Variants in LRIG2 observed in about 807,000 individuals in gnomAD.
The protein encoded by LRIG2 is leucine-rich repeats and immunoglobulin-like domains protein 2.
Under a neutral mutation model 107.8 loss-of-function variants are expected in LRIG2, and 93 were observed. That is an observed-to-expected ratio of 0.86 (90% CI 0.73 to 1.03). LRIG2 has a LOEUF of 1.03. Among genes scored for constraint, LRIG2 ranks in the 50% least tolerant of loss-of-function variants. LRIG2 has a pLI of 0.00. For synonymous variants in LRIG2, 471 were observed against 470.6 expected (o/e 1.00, Z -0.01); for missense variants, 1,226 against 1,296.0 (o/e 0.95, Z 0.83).
rs1319821695 is a variant in LRIG2 at position 113,073,236 on chromosome 1, T to C, written c.-171T>C. 11 of 631,342 alleles carry C rather than the reference T, an allele frequency of 1.7e-5. No individual in the cohort carries two copies. The highest frequency in any genetic ancestry group is 2.5e-5 in the Non-Finnish European group (9 of 356,590). The allele number at this position is 631,342 out of a possible 1,614,324, so 39.1% of individuals were successfully genotyped here. On this transcript the variant is annotated 5_prime_UTR_variant, in exon 1 of 18. Coordinates refer to ENST00000361127, the MANE Select transcript of LRIG2 (RefSeq NM_014813.3). ...CCGTCAGGCCGTGTGTCCCAGGCCG[T>C]CGACCCCGCTGTCGCGCTGCGTCTG...
At chr1:113,075,024 C>T (rs943172708) in intron 1 of LRIG2, among the ~76,000 whole-genome samples, 8 of 151,910 alleles carry the variant, frequency 5.3e-5, no homozygotes, top group African/African-American at 1.9e-4. Flanking sequence ...TCGAGACCAA[C>T]CTGACCAACA....
chr1:113,094,984 A>ATATTTT (rs138090493), intron 6 of LRIG2, among the ~76,000 whole-genome samples: 215 of 139,740 alleles, frequency 1.5e-3, no homozygotes, highest in Admixed American at 5.6e-3. Flanking sequence ...ATATATATAT[A>ATATTTT]TTTTTTTTGA....
chr1:113,091,254 CTT>C, intron 1 of LRIG2, 62 bp from the exon 2 acceptor site: 1 of 1,078,886 alleles, frequency 9.3e-7, no homozygotes. Context: ...TATTTAGTTT[CTT>C]TTTTTTTCTT....
intron 1 of LRIG2, among the ~76,000 whole-genome samples, chr1:113,080,210 G>A (rs534583288): frequency 4.0e-4 from 60 of 151,164 alleles, no homozygotes; most frequent in Non-Finnish European, 6.5e-4. Context: ...TAGTAGAGAC[G>A]GGGTTTCACC....
chr1:113,092,989 CAAAAAAAAAA>C (rs941043519), intron 2 of LRIG2, among the ~76,000 whole-genome samples: 1 of 123,922 alleles, frequency 8.1e-6, no homozygotes, highest in African/African-American at 3.0e-5. Flanking sequence ...AACTCTGTTT[CAAAAAAAAAA>C]GAAAAAAAAA....
intron 17 of LRIG2, among the ~76,000 whole-genome samples, chr1:113,119,812 A>AT (rs1329961509): frequency 6.6e-6 from 1 of 151,902 alleles, no homozygotes; most frequent in African/African-American, 2.4e-5. Flanking sequence ...CATACAGGCT[A>AT]TTTATTTATT....
chr1:113,100,492 A>G lies in LRIG2; in HGVS notation c.1313+4A>G. ...CTCAGACTCATTTAAAAGAACTGTA[A>G]GTAACTTGTCTTTTTAAAATCACCA... On this transcript the variant is annotated splice_donor_region_variant and intron_variant, in intron 11 of 17. Transcript: ENST00000361127. The G allele has an allele frequency of 6.8e-7, 1 of 1,472,722 alleles. No individual in the cohort carries two copies. Among genetic ancestry groups the G allele is most frequent in the Non-Finnish European group, 9.4e-7 (1 of 1,061,170 alleles). The allele number at this position is 1,472,722 out of a possible 1,614,324, so 91.2% of individuals were successfully genotyped here. A position where few individuals can be genotyped will look rare whatever the true frequency, so the allele number is the denominator to read the frequency against.
In LRIG2 at chr1:113,119,532, T is replaced by C; in HGVS notation, c.2971+9T>C. Reference sequence around the variant, plus strand: ...CACACAGATGAGCGGTGGTAAGGGATGTATTTTTGTTGTTATTTTGTTTTT... The same window carrying C: ...CACACAGATGAGCGGTGGTAAGGGACGTATTTTTGTTGTTATTTTGTTTTT... On this transcript the variant is annotated intron_variant, in intron 17 of 17. Coordinates refer to ENST00000361127, the MANE Select transcript of LRIG2 (RefSeq NM_014813.3). 1 of 1,609,364 alleles carries C rather than the reference T, an allele frequency of 6.2e-7. No homozygotes were observed. Among genetic ancestry groups the C allele is most frequent in the Non-Finnish European group, 8.5e-7 (1 of 1,177,674 alleles).
At chr1:113,114,185 C>T (rs1478855766) in intron 14 of LRIG2, among the ~76,000 whole-genome samples, 1 of 151,886 alleles carries the variant, frequency 6.6e-6, no homozygotes, top group African/African-American at 2.4e-5. Flanking sequence ...CCGCTGCTCA[C>T]CCCCTCCAGC....
In LRIG2 at chr1:113,095,321, T is replaced by C. The variant is rs1654009393; in HGVS notation, c.804-553T>C. ...GGCTAATGAAAATTACCAGAATTTA[T>C]CCAAACAGGTATACTATACCACTTG... On this transcript the variant is annotated intron_variant, in intron 6 of 17. Transcript: ENST00000361127. Among the ~76,000 whole-genome samples the C allele has an allele frequency of 2.6e-5, 4 of 151,608 alleles. No individual in the cohort carries two copies. In the South Asian group the frequency reaches 6.2e-4, roughly 24 times the overall value.
intron 1 of LRIG2, among the ~76,000 whole-genome samples, chr1:113,088,587 A>G (rs1653658639): frequency 6.6e-6 from 1 of 152,198 alleles, no homozygotes; most frequent in African/African-American, 2.4e-5. Context: ...GATTAAAATG[A>G]AAGCCCTTAA....
chr1:113,116,752 C>T (rs1289785977), intron 16 of LRIG2, among the ~76,000 whole-genome samples: 1 of 152,178 alleles, frequency 6.6e-6, no homozygotes, highest in Non-Finnish European at 1.5e-5. Flanking sequence ...CAGGCGTGGG[C>T]ATCCTTCAGA....
At chr1:113,114,966 G>T in intron 15 of LRIG2, 90 bp downstream of exon 15, 1 of 1,101,160 alleles carries the variant, frequency 9.1e-7, no homozygotes, top group Non-Finnish European at 1.3e-6. Context: ...ACTGAGAGCT[G>T]GTCATAGTAG....
chr1:113,073,392 A>G lies in LRIG2; in HGVS notation c.-15A>G. ...CAGGCAGCTCTTCTAGGCCACGTCC[A>G]GGTCGAGGGGGAAAATGGCGCCGGC... On this transcript the variant is annotated 5_prime_UTR_variant, in exon 1 of 18. Transcript: ENST00000361127. The G allele has an allele frequency of 6.2e-7, 1 of 1,606,958 alleles. No homozygotes were observed. Among genetic ancestry groups the G allele is most frequent in the Non-Finnish European group, 8.5e-7 (1 of 1,174,104 alleles).
chr1:113,124,019 C>T lies in LRIG2; in HGVS notation c.3116C>T (p.Ser1039Phe). 6.2e-7 allele frequency: 1 copy of T among 1,614,106 alleles called. No individual in the cohort carries two copies. Among genetic ancestry groups the T allele is most frequent in the South Asian group, 1.1e-5 (1 of 91,074 alleles). Reference sequence around the variant, plus strand: ...AGAGAGCCAGACTGTTCTGCTTCTTCCATGTCCTGCCACAGGTTACAGGAT... The same window carrying T: ...AGAGAGCCAGACTGTTCTGCTTCTTTCATGTCCTGCCACAGGTTACAGGAT... ...AGREPDCSAS[S>F]MSCHRLQDHA... The change falls in exon 18 of 18, where the codon TCC becomes TTC. Residue 1039 changes from serine to phenylalanine, a missense_variant. Physicochemically the swap from Ser to Phe is radical, Grantham distance 155. Transcript: ENST00000361127.
intron 1 of LRIG2, among the ~76,000 whole-genome samples, chr1:113,089,395 A>C (rs1020789919): frequency 6.6e-6 from 1 of 152,234 alleles, no homozygotes; most frequent in Non-Finnish European, 1.5e-5. Context: ...TATCTAATAA[A>C]GTATTTGCTA....
chr1:113,098,713 G>A lies in LRIG2; in HGVS notation c.1100G>A (p.Arg367Lys). ...CTCTGACATTTTTGTAGAGACTTAAGAAACAATGAAATTTCATGGGCCATA... is the reference window on the plus strand; with the variant it reads ...CTCTGACATTTTTGTAGAGACTTAAAAAACAATGAAATTTCATGGGCCATA... ...FLSNLQTLDL[R>K]NNEISWAIED... Residue 367 changes from arginine to lysine, a missense_variant, in exon 9 of 18, where the codon AGA (arginine) becomes AAA (lysine). Physicochemically the swap from Arg to Lys is conservative, Grantham distance 26 (BLOSUM62 2). This residue lies in a region of LRIG2 where 570 missense variants were observed against 550.2 expected (regional missense o/e 1.04). Coordinates refer to ENST00000361127, the MANE Select transcript of LRIG2 (RefSeq NM_014813.3). 1 of 1,610,630 alleles carries A rather than the reference G, an allele frequency of 6.2e-7. No individual in the cohort carries two copies. Among genetic ancestry groups the A allele is most frequent in the South Asian group, 1.1e-5 (1 of 91,018 alleles).
intron 12 of LRIG2, among the ~76,000 whole-genome samples, chr1:113,108,592 T>C (rs1654637496): frequency 6.6e-6 from 1 of 151,290 alleles, no homozygotes; most frequent in Non-Finnish European, 1.5e-5. Flanking sequence ...TAAATGTCCT[T>C]TAGGCCGGGC....
intron 17 of LRIG2, among the ~76,000 whole-genome samples, chr1:113,120,980 G>A (rs1655228545): frequency 6.6e-6 from 1 of 151,632 alleles, no homozygotes; most frequent in Admixed American, 6.6e-5. Flanking sequence ...AACCACAACC[G>A]GCTAATTTTT....
Sources: allele counts gnomAD v4.1 joint callset (sites outside exome capture counted in the v4.1 genomes callset), GRCh38; gene constraint gnomAD v4.1.1; regional missense constraint gnomAD v4.1.1; transcripts MANE v1.5; gene names NCBI Gene and HGNC (gene_info 2026-07-23, HGNC 2026-07-21).